GRID2: variants seen among roughly 807,000 people sequenced by gnomAD.
GRID2 encodes glutamate receptor ionotropic, delta-2.
Under a neutral mutation model 114.8 loss-of-function variants are expected in GRID2, and 33 were observed. The ratio of observed to expected loss-of-function variants is 0.29; its 90% CI spans 0.22 to 0.38. GRID2 has a LOEUF of 0.38. Among genes scored for constraint, GRID2 ranks in the 10% least tolerant of loss-of-function variants. The pLI, the probability that GRID2 is intolerant of heterozygous loss-of-function variation, is 1.00. For missense variants in GRID2, 1,184 were observed against 1,257.7 expected, an observed-to-expected ratio of 0.94 and a Z score of 0.89; for synonymous variants, 505 against 449.9, an observed-to-expected ratio of 1.12 and a Z score of -1.55.
intron 14 of GRID2, among the ~76,000 whole-genome samples, chr4:93,695,604 C>T (rs932941570): frequency 6.6e-6 from 1 of 152,154 alleles, no homozygotes; most frequent in Non-Finnish European, 1.5e-5. Flanking sequence ...CTGTGTTAGA[C>T]GGTGCTGAAA....
At chr4:92,670,395 A>G (rs1733001106) in intron 2 of GRID2, among the ~76,000 whole-genome samples, 1 of 151,938 alleles carries the variant, frequency 6.6e-6, no homozygotes, top group Non-Finnish European at 1.5e-5. Context: ...AAACTGATTT[A>G]ATGATAAGAT....
At chr4:92,661,530 T>A (rs1171521694) in intron 2 of GRID2, among the ~76,000 whole-genome samples, 1 of 150,942 alleles carries the variant, frequency 6.6e-6, no homozygotes, top group Non-Finnish European at 1.5e-5. Context: ...TAATGAACAT[T>A]TATTGATGCA....
At chr4:93,297,880 G>A (rs1754481691) in intron 8 of GRID2, among the ~76,000 whole-genome samples, 1 of 152,086 alleles carries the variant, frequency 6.6e-6, no homozygotes, top group African/African-American at 2.4e-5. Flanking sequence ...AAATCAGATG[G>A]AGCATACATA....
At chr4:93,777,900 T>G (rs1734398157), downstream of GRID2, among the ~76,000 whole-genome samples, 2 of 152,218 alleles carry the variant, frequency 1.3e-5, no homozygotes, top group Non-Finnish European at 2.9e-5. Flanking sequence ...TGAAAAAGTT[T>G]AGGAATTAAG....
At chr4:93,739,032 G>C (rs975355594) in intron 14 of GRID2, among the ~76,000 whole-genome samples, 2 of 151,984 alleles carry the variant, frequency 1.3e-5, no homozygotes, top group African/African-American at 4.8e-5. Context: ...TCCTAAAAGA[G>C]AGCAGCCATC....
intron 4 of GRID2, among the ~76,000 whole-genome samples, chr4:93,196,045 G>A (rs888447348): frequency 1.3e-5 from 2 of 152,066 alleles, no homozygotes; most frequent in Admixed American, 6.6e-5. Context: ...AACACAGTTC[G>A]AACACCGTAA....
chr4:93,026,790 C>T lies in GRID2; in HGVS notation c.245-58205C>T, dbSNP rs572051623. Reference sequence around the variant, plus strand: ...ACCTAAATTTAAGAATGACTACTCACTAAGAACAAATGAAATGCAAATATC... The same window carrying T: ...ACCTAAATTTAAGAATGACTACTCATTAAGAACAAATGAAATGCAAATATC... On this transcript the variant is annotated intron_variant, in intron 2 of 15. Coordinates refer to ENST00000282020, the MANE Select transcript of GRID2 (RefSeq NM_001510.4). 2.4e-3 allele frequency among the ~76,000 whole-genome samples: 370 copies of T among 151,924 alleles called. 3 individuals carry two copies. Among genetic ancestry groups the T allele is most frequent in the Middle Eastern group, 3.4e-3 (1 of 294 alleles).
At chr4:93,616,901 G>GC (rs34126346) in intron 13 of GRID2, among the ~76,000 whole-genome samples, 71,924 of 145,372 alleles carry the variant, frequency 0.49, 17,663 homozygotes, top group East Asian at 0.69. Flanking sequence ...AGGCTGAGGC[G>GC]AGAATGGCGT....
chr4:92,951,076 A>G (rs1217814174), intron 2 of GRID2, among the ~76,000 whole-genome samples: 2 of 152,112 alleles, frequency 1.3e-5, no homozygotes, highest in Admixed American at 6.6e-5. Context: ...GTTTTCTGAC[A>G]TCTTTTTGAA....
At chr4:92,780,577 A>T (rs1296435890) in intron 2 of GRID2, among the ~76,000 whole-genome samples, 2 of 152,116 alleles carry the variant, frequency 1.3e-5, no homozygotes, top group Non-Finnish European at 2.9e-5. Context: ...AAGTGTTTCT[A>T]ATGAGGCAAG....
At chr4:93,744,421 A>T (rs1425855738) in intron 14 of GRID2, among the ~76,000 whole-genome samples, 1 of 152,188 alleles carries the variant, frequency 6.6e-6, no homozygotes, top group African/African-American at 2.4e-5. Flanking sequence ...CATCAACAAG[A>T]GTTGGGAGGA....
intron 11 of GRID2, among the ~76,000 whole-genome samples, chr4:93,485,262 T>C (rs925244435): frequency 1.3e-5 from 2 of 151,794 alleles, no homozygotes; most frequent in African/African-American, 4.8e-5. Context: ...TTTATTCTTA[T>C]AGATTTATAG....
At chr4:93,321,084 T>C (rs1163604601) in intron 8 of GRID2, among the ~76,000 whole-genome samples, 1 of 152,032 alleles carries the variant, frequency 6.6e-6, no homozygotes, top group Non-Finnish European at 1.5e-5. Flanking sequence ...CTGTGATCTA[T>C]AATTGAAGGT....
chr4:93,352,818 T>C (rs1325770503), intron 8 of GRID2, among the ~76,000 whole-genome samples: 1 of 152,014 alleles, frequency 6.6e-6, no homozygotes. Context: ...TTGTAGAACA[T>C]GGTGGGGTAC....
At chr4:93,055,060 C>A (rs1286303137) in intron 2 of GRID2, among the ~76,000 whole-genome samples, 1 of 151,800 alleles carries the variant, frequency 6.6e-6, no homozygotes, top group African/African-American at 2.4e-5. Flanking sequence ...TAGTGAAAAA[C>A]AGATATAACC....
intron 2 of GRID2, among the ~76,000 whole-genome samples, chr4:92,608,266 C>G (rs894303800): frequency 1.3e-5 from 2 of 151,704 alleles, no homozygotes; most frequent in Middle Eastern, 3.2e-3. Flanking sequence ...CATGGAAAGA[C>G]TCATGATTCA....
intron 2 of GRID2, among the ~76,000 whole-genome samples, chr4:92,753,725 G>A (rs555974429): frequency 2.0e-5 from 3 of 152,230 alleles, no homozygotes; most frequent in Admixed American, 6.6e-5. Context: ...CTAAAGAAGG[G>A]TTCACGGAGT....
Position 93,224,660 on chromosome 4 carries a change from C to A in GRID2, c.1010C>A (p.Ala337Asp). ...IYDTVLLLAN[A>D]FHKKLEDRKW... Reference sequence around the variant, plus strand: ...GACACGGTGCTTCTGCTTGCTAATGCTTTTCATAAGAAGCTGGAGGACCGA... The same window carrying A: ...GACACGGTGCTTCTGCTTGCTAATGATTTTCATAAGAAGCTGGAGGACCGA... The change falls in exon 7 of 16, where the codon GCT (alanine) becomes GAT (aspartate). Residue 337 changes from alanine (A) to aspartate (D), a missense_variant. Physicochemically the swap from Ala to Asp is moderately radical, Grantham distance 126. Around this residue, in one of 3 missense-constraint regions of GRID2, gnomAD observed 455 missense variants for 429.5 expected, o/e 1.06. Coordinates refer to ENST00000282020, the MANE Select transcript of GRID2 (RefSeq NM_001510.4). The A allele has an allele frequency of 6.2e-7, 1 of 1,611,028 alleles. No individual in the cohort carries two copies. The highest frequency in any genetic ancestry group is 8.5e-7 in the Non-Finnish European group (1 of 1,177,672).
At chr4:93,238,649 A>G (rs1012205993) in intron 8 of GRID2, among the ~76,000 whole-genome samples, 159 bp downstream of exon 8, 6 of 151,792 alleles carry the variant, frequency 4.0e-5, no homozygotes, top group Non-Finnish European at 7.4e-5. Flanking sequence ...ATGACTTTAA[A>G]TATTTACCAG....
Sources: allele counts gnomAD v4.1 joint callset (sites outside exome capture counted in the v4.1 genomes callset), GRCh38; gene constraint gnomAD v4.1.1; regional missense constraint gnomAD v4.1.1; transcripts MANE v1.5; gene names NCBI Gene and HGNC (gene_info 2026-07-23, HGNC 2026-07-21).